The following CFAP251 variants were observed in gnomAD, a reference collection of about 807,000 sequenced individuals.
The protein encoded by CFAP251 is cilia and flagella associated protein 251, also known as cilia- and flagella-associated protein 251.
CFAP251 carries 93 observed loss-of-function variants against 126.7 expected under a neutral mutation model. The ratio of observed to expected loss-of-function variants is 0.73; its 90% confidence interval spans 0.62 to 0.87. The LOEUF (loss-of-function observed/expected upper bound fraction) is 0.87. Ranked by LOEUF, CFAP251 falls within the 40% of genes least tolerant of loss-of-function variation. The probability of loss-of-function intolerance (pLI) is 0.00; values close to 1 mark genes in which losing one functional copy is unlikely to be tolerated. For synonymous variants in CFAP251, 503 were observed against 506.9 expected (o/e 0.99, Z 0.10); for missense variants, 1,287 against 1,389.2 (o/e 0.93, Z 1.17).
chr12:121,944,728 T>C (rs528766921), intron 7 of CFAP251, among the ~76,000 whole-genome samples: 5 of 152,344 alleles, frequency 3.3e-5, no homozygotes, highest in Non-Finnish European at 7.3e-5. Flanking sequence ...TGTGTTGATT[T>C]TGTACCTTGC....
intron 19 of CFAP251, among the ~76,000 whole-genome samples, chr12:121,975,997 C>T (rs909847196): frequency 3.3e-5 from 5 of 151,154 alleles, no homozygotes; most frequent in East Asian, 1.9e-4. Flanking sequence ...GGACCAGCCT[C>T]GTAGGATTTT....
At chr12:121,965,416 C>T (rs1882086822) in intron 15 of CFAP251, among the ~76,000 whole-genome samples, 1 of 152,146 alleles carries the variant, frequency 6.6e-6, no homozygotes, top group East Asian at 1.9e-4. Context: ...CTTCTGACTT[C>T]TAGGAATGTA....
At chr12:121,919,230 TG>T (rs1378292454) in intron 1 of CFAP251, among the ~76,000 whole-genome samples, 2 of 152,072 alleles carry the variant, frequency 1.3e-5, no homozygotes, top group Non-Finnish European at 2.9e-5. Flanking sequence ...TTTTCTACTC[TG>T]TACTCTCTGG....
At chr12:121,952,125 G>A (rs1373121827) in intron 9 of CFAP251, among the ~76,000 whole-genome samples, 5 of 151,696 alleles carry the variant, frequency 3.3e-5, no homozygotes, top group Admixed American at 3.3e-4. Context: ...AAGTTGTGGG[G>A]GTGCAGTGGC....
At chr12:121,937,267 G>A (rs57161524) in intron 5 of CFAP251, among the ~76,000 whole-genome samples, 31,342 of 151,870 alleles carry the variant, frequency 0.21, 6,864 homozygotes, top group African/African-American at 0.55. Flanking sequence ...GCTTGTGGAC[G>A]CATCCCTCCA....
Position 122,003,670 on chromosome 12 carries a change from A to G in CFAP251, c.3356A>G (p.Glu1119Gly), listed in dbSNP as rs767011382. ...TGGCTAGGTTCAGAAATTTGCCTTG[A>G]AGAAGAACTTCCAGACGAAATCACT... ...CSVKGSEICL[E>G]EELPDEITAE... Residue 1119 changes from glutamate (E) to glycine (G), a missense_variant, in exon 22 of 22, where the codon GAA becomes GGA. Coordinates refer to ENST00000288912, the MANE Select transcript of CFAP251 (RefSeq NM_144668.6). The G allele has an allele frequency of 5.6e-6, 9 of 1,610,024 alleles. No homozygotes were observed. Among genetic ancestry groups the G allele is most frequent in the Non-Finnish European group, 7.6e-6 (9 of 1,178,980 alleles).
intron 9 of CFAP251, 185 bp from the exon 10 acceptor site, chr12:121,953,935 A>G: frequency 4.8e-6 from 3 of 619,310 alleles, no homozygotes; most frequent in South Asian, 4.1e-5. Flanking sequence ...TGCTCTTAGC[A>G]AACTTCCAGA....
intron 4 of CFAP251, 126 bp downstream of exon 4, chr12:121,932,012 A>G: frequency 4.3e-6 from 4 of 939,502 alleles, no homozygotes; most frequent in Non-Finnish European, 4.4e-6. Context: ...CCTTGGAACT[A>G]AAAGCAAGCC....
At chr12:121,948,782 G>A in intron 7 of CFAP251, 2 of 403,638 alleles carry the variant, frequency 5.0e-6, no homozygotes, top group South Asian at 7.2e-5. Flanking sequence ...GATCAAACTG[G>A]AAAGGGAACA....
chr12:121,993,863 C>A, intron 19 of CFAP251, among the ~76,000 whole-genome samples: 1 of 120,152 alleles, frequency 8.3e-6, no homozygotes, highest in South Asian at 2.9e-4. Context: ...TCAGCCCCCC[C>A]GCCCGGCCAG....
At position 121,934,252 on chromosome 12, in the gene CFAP251, C is replaced by G. The variant is rs771220553; in HGVS notation, c.894C>G (p.His298Gln). Residue 298 changes from histidine (H) to glutamine (Q), a missense_variant, in exon 5 of 22, where the codon CAC (histidine) becomes CAG (glutamine). Coordinates refer to ENST00000288912, the MANE Select transcript of CFAP251 (RefSeq NM_144668.6). ...FRNNQYHLQG[H>Q]ANIISCLCVS... ...TTTTCTCTCCATTTCCATAGGGCCA[C>G]GCCAATATTATCTCCTGCCTCTGCG... 4 of 1,613,538 alleles carry G rather than the reference C, an allele frequency of 2.5e-6. No homozygotes were observed. Among genetic ancestry groups the G allele is most frequent in the Non-Finnish European group, 3.4e-6 (4 of 1,179,778 alleles).
At chr12:121,971,718 C>T in intron 17 of CFAP251, 1 of 673,688 alleles carries the variant, frequency 1.5e-6, no homozygotes, top group South Asian at 1.6e-5. Flanking sequence ...ACATTCATTA[C>T]AGGAGGAAAA....
intron 19 of CFAP251, among the ~76,000 whole-genome samples, chr12:121,982,718 G>A (rs945161699): frequency 3.7e-4 from 56 of 152,172 alleles, no homozygotes; most frequent in African/African-American, 1.3e-3. Context: ...CTGCTTTGTT[G>A]GTGAGGTGTT....
At chr12:121,966,647 G>A (rs866532755) in intron 15 of CFAP251, among the ~76,000 whole-genome samples, 32 of 144,574 alleles carry the variant, frequency 2.2e-4, no homozygotes, top group African/African-American at 3.1e-4. Context: ...GTACAGTGGC[G>A]TAATCTCAGC....
At position 121,921,336 on chromosome 12, in the gene CFAP251, G is replaced by A. The variant is rs755510316; in HGVS notation, c.31G>A (p.Ala11Thr). The A allele has an allele frequency of 6.2e-7, 1 of 1,600,808 alleles. No homozygotes were observed. Among genetic ancestry groups the A allele is most frequent in the South Asian group, 1.1e-5 (1 of 89,282 alleles). The change falls in exon 2 of 22, where the codon GCA becomes ACA. Residue 11 changes from alanine to threonine, a missense_variant. By Grantham distance (58) the Ala-to-Thr change is moderately conservative (BLOSUM62 0). Coordinates refer to ENST00000288912, the MANE Select transcript of CFAP251 (RefSeq NM_144668.6). Reference sequence around the variant, plus strand: ...AGATGCAGCAGAAGCTCCCCGAGAAGCAACAGGAGAAAATGGAGAAACAGA... The same window carrying A: ...AGATGCAGCAGAAGCTCCCCGAGAAACAACAGGAGAAAATGGAGAAACAGA... MSDAAEAPRE[A>T]TGENGETEMK... is the part of the protein sequence containing the mutation.
intron 19 of CFAP251, chr12:121,992,263 A>C (rs1263473612): frequency 4.1e-6 from 4 of 985,474 alleles, no homozygotes; most frequent in Non-Finnish European, 4.8e-6. Context: ...TCAGACAAGT[A>C]GCAGAACCTG....
At chr12:122,003,226 T>G (rs978359524) in intron 21 of CFAP251, among the ~76,000 whole-genome samples, 3 of 152,138 alleles carry the variant, frequency 2.0e-5, no homozygotes, top group Non-Finnish European at 4.4e-5. Flanking sequence ...ACAAAGCCCC[T>G]CTTGTTTTTG....
In CFAP251 at chr12:121,921,268, T is replaced by C. The variant is rs774492851; in HGVS notation, c.-20-18T>C. ...GAAGCTGAGGGCCAGCTGGTTATTA[T>C]GGTCAAAATCTCTCTAGAGGAAACT... On this transcript the variant is annotated intron_variant, in intron 1 of 21. Transcript: ENST00000288912. 2.0e-6 allele frequency: 3 copies of C among 1,534,834 alleles called. No homozygotes were observed. The highest frequency in any genetic ancestry group is 2.8e-5 in the African/African-American group (2 of 71,932).
At chr12:121,928,310 C>T (rs1485467372) in intron 3 of CFAP251, among the ~76,000 whole-genome samples, 1 of 151,830 alleles carries the variant, frequency 6.6e-6, no homozygotes, top group Non-Finnish European at 1.5e-5. Flanking sequence ...AATTATGATT[C>T]CATAATTCTA....
Sources: allele counts gnomAD v4.1 joint callset (sites outside exome capture counted in the v4.1 genomes callset), GRCh38; gene constraint gnomAD v4.1.1; transcripts MANE v1.5; gene names NCBI Gene and HGNC (gene_info 2026-07-23, HGNC 2026-07-21).